The following WDR72 variants were observed in gnomAD, a reference collection of about 807,000 sequenced individuals.
The protein encoded by WDR72 is WD repeat domain 72.
A neutral mutation model predicts 124.2 loss-of-function variants in WDR72; 120 were observed. The observed-to-expected ratio is 0.97, with a 90% CI of 0.83 to 1.12. The LOEUF is 1.12. Ranked by LOEUF, WDR72 falls within the 50% of genes most tolerant of loss-of-function variation. The pLI is 0.00. For missense variants in WDR72, 1,387 were observed against 1,278.8 expected, an observed-to-expected ratio of 1.08 and a Z score of -1.29; for synonymous variants, 452 against 441.7, an observed-to-expected ratio of 1.02 and a Z score of -0.29.
In WDR72 at chr15:53,668,522, G is replaced by T. The variant is rs540322320; in HGVS notation, c.1766-2754C>A. Among the ~76,000 whole-genome samples, 15 of 152,224 alleles carry T rather than the reference G, an allele frequency of 9.9e-5. No individual in the cohort carries two copies. The South Asian group carries it at 2.9e-3, about 29-fold the overall frequency. ...GCTTGCTTTGTGAAAATGAATTTGG[G>T]CTTGATAAATATTTTCTCATTCATC... is the stretch of plus-strand genomic sequence containing the variant. On this transcript the variant is annotated intron_variant, in intron 13 of 19. Coordinates refer to ENST00000360509, the MANE Select transcript of WDR72 (RefSeq NM_182758.4).
chr15:53,576,292 A>G (rs1287960318), intron 18 of WDR72, among the ~76,000 whole-genome samples: 1 of 152,190 alleles, frequency 6.6e-6, no homozygotes, highest in East Asian at 1.9e-4. Flanking sequence ...CACACTTGAA[A>G]GGAGTTTCAG....
intron 12 of WDR72, among the ~76,000 whole-genome samples, chr15:53,700,858 A>G (rs1015830688): frequency 6.6e-6 from 1 of 152,042 alleles, no homozygotes; most frequent in Non-Finnish European, 1.5e-5. Flanking sequence ...TAACCATTCT[A>G]TTTCCTGGAG....
At chr15:53,645,900 A>G (rs2015024719) in intron 14 of WDR72, among the ~76,000 whole-genome samples, 1 of 152,134 alleles carries the variant, frequency 6.6e-6, no homozygotes, top group Admixed American at 6.6e-5. Flanking sequence ...GTGATCATAT[A>G]ATTTATTGTT....
chr15:53,674,921 G>A (rs536407625), intron 13 of WDR72, among the ~76,000 whole-genome samples: 254 of 152,130 alleles, frequency 1.7e-3, no homozygotes, highest in African/African-American at 5.8e-3. Context: ...GGAATAAAGA[G>A]GTGTGGCGGG....
intron 2 of WDR72, 72 bp from the exon 3 acceptor site, chr15:53,722,980 TTCA>T: frequency 7.3e-7 from 1 of 1,364,348 alleles, no homozygotes; most frequent in South Asian, 1.2e-5. Context: ...CAATATAGTA[TTCA>T]TAACTCTGAT....
rs1354165493 is a variant in WDR72, at chr15:53,555,224, G to A, written c.3149-31902C>T. ...AAGCCATTTAAGATAAAAAAAAAAG[G>A]CAGGAAGTGTAAGTGCGGGAAGGGT... On this transcript the variant is annotated intron_variant, in intron 18 of 19. Coordinates refer to ENST00000360509, the MANE Select transcript of WDR72 (RefSeq NM_182758.4). Among the ~76,000 whole-genome samples, 3 of 143,096 alleles carry A rather than the reference G, an allele frequency of 2.1e-5. No homozygotes were observed. In the Admixed American group the frequency reaches 2.1e-4, roughly 10 times the overall value. 93.9% of individuals were successfully genotyped at this position (143,096 alleles called of 152,430 possible). A position where few individuals can be genotyped will look rare whatever the true frequency, so the allele number is the denominator to read the frequency against.
intron 8 of WDR72, 109 bp from the exon 9 acceptor site, chr15:53,711,062 T>C: frequency 9.9e-7 from 1 of 1,014,438 alleles, no homozygotes; most frequent in Non-Finnish European, 1.5e-6. Flanking sequence ...GTTTCTAAAC[T>C]CTAGTTAGAA....
Position 53,710,896 on chromosome 15 carries a change from A to G in WDR72, c.915T>C (p.Tyr305=), listed in dbSNP as rs765808959. ...ADGRVLKETI[Y]PHLLCSTSVQ... is the part of the protein sequence containing the mutation. ...CAGAAGTAGAGCACAGTAAATGAGG[A>G]TAAATGGTCTCTTTAAGCACTCTTC... is the stretch of plus-strand genomic sequence containing the variant. Residue 305 remains tyrosine (Y), a synonymous_variant, in exon 9 of 20, where the codon TAT becomes TAC. Transcript: ENST00000360509. 8.1e-6 allele frequency: 13 copies of G among 1,613,768 alleles called. No individual in the cohort carries two copies. The highest frequency in any genetic ancestry group is 5.3e-5 in the African/African-American group (4 of 74,944).
chr15:53,637,545 C>T (rs2014670529), intron 14 of WDR72, among the ~76,000 whole-genome samples: 1 of 152,176 alleles, frequency 6.6e-6, no homozygotes. Context: ...CATATCCAGG[C>T]TTCCAGTCAA....
At chr15:53,668,522 G>A (rs540322320) in intron 13 of WDR72, among the ~76,000 whole-genome samples, 2 of 152,108 alleles carry the variant, frequency 1.3e-5, no homozygotes, top group African/African-American at 4.8e-5. Context: ...ATGAATTTGG[G>A]CTTGATAAAT....
intron 13 of WDR72, among the ~76,000 whole-genome samples, chr15:53,672,080 A>G (rs2016010966): frequency 6.6e-6 from 1 of 152,152 alleles, no homozygotes; most frequent in African/African-American, 2.4e-5. Flanking sequence ...TGTCTGAAAT[A>G]CACACCTGAA....
intron 13 of WDR72, among the ~76,000 whole-genome samples, chr15:53,690,837 G>C (rs1265928773): frequency 1.3e-5 from 2 of 152,000 alleles, no homozygotes; most frequent in Admixed American, 1.3e-4. Context: ...GAATTGCTGG[G>C]TCATTTCATA....
chr15:53,646,741 A>C (rs2015055935), intron 14 of WDR72, among the ~76,000 whole-genome samples: 1 of 152,200 alleles, frequency 6.6e-6, no homozygotes, highest in African/African-American at 2.4e-5. Flanking sequence ...GTACAACAAA[A>C]TATCCTCTCT....
At chr15:53,540,198 C>T (rs554373263) in intron 18 of WDR72, among the ~76,000 whole-genome samples, 11 of 152,076 alleles carry the variant, frequency 7.2e-5, no homozygotes, top group Non-Finnish European at 1.6e-4. Context: ...ATATAAGACA[C>T]ATAATGGGGA....
intron 18 of WDR72, among the ~76,000 whole-genome samples, chr15:53,576,051 G>A (rs1226683634): frequency 2.6e-5 from 4 of 151,978 alleles, no homozygotes; most frequent in Non-Finnish European, 5.9e-5. Context: ...CTACAATATG[G>A]CATACAAAAC....
chr15:53,653,138 T>G (rs2140430560), intron 14 of WDR72, among the ~76,000 whole-genome samples: 1 of 152,206 alleles, frequency 6.6e-6, no homozygotes, highest in African/African-American at 2.4e-5. Flanking sequence ...TCTCTTACAA[T>G]TCAAAAAAGG....
chr15:53,700,535 T>A (rs1170435803), intron 12 of WDR72, among the ~76,000 whole-genome samples: 1 of 152,206 alleles, frequency 6.6e-6, no homozygotes, highest in African/African-American at 2.4e-5. Flanking sequence ...ATCCTTAAGA[T>A]ACTTTTTAAG....
chr15:53,700,806 T>C (rs2140521111), intron 12 of WDR72, among the ~76,000 whole-genome samples: 1 of 152,276 alleles, frequency 6.6e-6, no homozygotes, highest in South Asian at 2.1e-4. Flanking sequence ...GTGATAGATC[T>C]GGAGCCTAGA....
rs569006926 is a variant in WDR72, at chr15:53,743,968, C to T, written c.-12-10807G>A. Among the ~76,000 whole-genome samples the T allele has an allele frequency of 2.4e-3, 287 of 120,672 alleles. 3 individuals carry two copies. The highest frequency in any genetic ancestry group is 8.5e-3 in the African/African-American group (276 of 32,480). 79.2% of individuals were successfully genotyped at this position (120,672 alleles called of 152,430 possible). A position where few individuals can be genotyped will look rare whatever the true frequency, so the allele number is the denominator to read the frequency against. Reference sequence around the variant, plus strand: ...CCGGCCTGGGCGACAGAGCGAGACTCGTCTCAAAAAAAAAAAAAAAAAATT... The same window carrying T: ...CCGGCCTGGGCGACAGAGCGAGACTTGTCTCAAAAAAAAAAAAAAAAAATT... On this transcript the variant is annotated intron_variant, in intron 1 of 19. Transcript: ENST00000360509.
Sources: allele counts gnomAD v4.1 joint callset (sites outside exome capture counted in the v4.1 genomes callset), GRCh38; gene constraint gnomAD v4.1.1; transcripts MANE v1.5; gene names NCBI Gene and HGNC (gene_info 2026-07-23, HGNC 2026-07-21).